Variants in GNG7 observed in about 807,000 individuals in gnomAD.
GNG7 encodes the protein G protein subunit gamma 7, also known as guanine nucleotide-binding protein G(I)/G(S)/G(O) subunit gamma-7.
Under a neutral mutation model 4.0 loss-of-function variants are expected in GNG7, and 1 was observed. The ratio of observed to expected loss-of-function variants is 0.25; its 90% confidence interval spans 0.09 to 1.18. The LOEUF (loss-of-function observed/expected upper bound fraction) is 1.18, where lower values mean the gene tolerates loss of function less well. GNG7 is among the 50% of genes most tolerant of loss of function. GNG7 has a pLI of 0.50. For missense variants in GNG7, 86 were observed against 91.9 expected (o/e 0.94, Z 0.26); for synonymous variants, 34 against 36.9 (o/e 0.92, Z 0.29).
chr19:2,623,620 C>T (rs922106012), intron 2 of GNG7, among the ~76,000 whole-genome samples: 4 of 152,200 alleles, frequency 2.6e-5, no homozygotes, highest in Non-Finnish European at 5.9e-5. Context: ...GTGGCTCACG[C>T]CTTTAATCCC....
chr19:2,654,534 C>T (rs1288126343), intron 1 of GNG7, among the ~76,000 whole-genome samples: 2 of 126,970 alleles, frequency 1.6e-5, no homozygotes, highest in Non-Finnish European at 3.5e-5. Flanking sequence ...AAGACCTCCT[C>T]AGTTAGGGGG....
intron 3 of GNG7, among the ~76,000 whole-genome samples, chr19:2,551,590 C>CAAATATATATTTAGAAATATGT (rs1568240124): frequency 8.2e-6 from 1 of 122,576 alleles, no homozygotes; most frequent in Non-Finnish European, 1.7e-5. Flanking sequence ...TATAAATATG[C>CAAATATATATTTAGAAATATGT]ATTTATAAAT....
intron 1 of GNG7, among the ~76,000 whole-genome samples, chr19:2,652,491 T>C (rs1982856669): frequency 6.6e-6 from 1 of 151,604 alleles, no homozygotes; most frequent in Non-Finnish European, 1.5e-5. Flanking sequence ...TGGTGGTGCA[T>C]GCCTGTAATC....
chr19:2,607,978 A>G (rs10404003), intron 2 of GNG7, among the ~76,000 whole-genome samples: 7,338 of 150,736 alleles, frequency 0.049, 609 homozygotes, highest in African/African-American at 0.17. Flanking sequence ...CGCAGACCAC[A>G]CCATCCAGAA....
chr19:2,575,663 G>A (rs1345495447), intron 2 of GNG7, among the ~76,000 whole-genome samples: 9 of 122,516 alleles, frequency 7.3e-5, no homozygotes, highest in East Asian at 2.6e-4. Context: ...GCAGGCACAC[G>A]CAGGCACATG....
At chr19:2,537,952 C>G (rs1021319883) in intron 3 of GNG7, among the ~76,000 whole-genome samples, 2 of 152,134 alleles carry the variant, frequency 1.3e-5, no homozygotes, top group Non-Finnish European at 2.9e-5. Flanking sequence ...TGGTGCATGC[C>G]TGTAGTCCCA....
At chr19:2,667,145 C>T (rs1388203180) in intron 1 of GNG7, among the ~76,000 whole-genome samples, 1 of 151,834 alleles carries the variant, frequency 6.6e-6, no homozygotes, top group Non-Finnish European at 1.5e-5. Context: ...CATGGTGAAA[C>T]CCAACCCGTC....
intron 1 of GNG7, among the ~76,000 whole-genome samples, chr19:2,672,508 G>A (rs539953854): frequency 8.0e-4 from 121 of 150,826 alleles, no homozygotes; most frequent in Non-Finnish European, 1.5e-3. Flanking sequence ...GTGCAGTGGT[G>A]CGATCTCAGC....
At chr19:2,642,938 G>C (rs1469386266) in intron 2 of GNG7, 2 of 430,998 alleles carry the variant, frequency 4.6e-6, no homozygotes, top group Non-Finnish European at 9.1e-6. Context: ...ACCTCTCCGG[G>C]CTCTGCACAC....
chr19:2,531,725 C>G (rs1192189266), intron 3 of GNG7, among the ~76,000 whole-genome samples: 2 of 148,704 alleles, frequency 1.3e-5, no homozygotes, highest in Non-Finnish European at 1.5e-5. Flanking sequence ...GAACCGAGAT[C>G]GTGCCACTGC....
intron 1 of GNG7, among the ~76,000 whole-genome samples, chr19:2,666,610 C>T (rs1163500746): frequency 6.6e-6 from 1 of 152,182 alleles, no homozygotes; most frequent in African/African-American, 2.4e-5. Flanking sequence ...CCTTGCCTGG[C>T]CAGATTACCT....
At chr19:2,580,740 A>G (rs1038157410) in intron 2 of GNG7, among the ~76,000 whole-genome samples, 1 of 151,720 alleles carries the variant, frequency 6.6e-6, no homozygotes, top group Non-Finnish European at 1.5e-5. Flanking sequence ...AGCTGGGACT[A>G]CAGGTGCCAC....
chr19:2,582,656 ATTTTTTTTT>A (rs35625825), intron 2 of GNG7, among the ~76,000 whole-genome samples: 6,113 of 86,074 alleles, frequency 0.071, 411 homozygotes, highest in East Asian at 0.4. Flanking sequence ...CTAATTGTTA[ATTTTTTTTT>A]TTTTTTTTTT....
chr19:2,585,560 G>A (rs1283173208), intron 2 of GNG7, among the ~76,000 whole-genome samples: 2 of 152,194 alleles, frequency 1.3e-5, no homozygotes, highest in African/African-American at 4.8e-5. Context: ...ATTGAAAACA[G>A]CCAGTTAGAA....
At chr19:2,572,940 C>T (rs939071515) in intron 2 of GNG7, among the ~76,000 whole-genome samples, 20 of 151,504 alleles carry the variant, frequency 1.3e-4, no homozygotes, top group Admixed American at 3.3e-4. Flanking sequence ...ACCCCGTCCG[C>T]ATTAGCAGTC....
chr19:2,631,899 C>T (rs957659501), intron 2 of GNG7: 3 of 152,196 alleles, frequency 2.0e-5, no homozygotes, highest in Admixed American at 6.5e-5. Context: ...CCTAGAAGTG[C>T]CATTTCTGAA....
intron 3 of GNG7, among the ~76,000 whole-genome samples, chr19:2,547,116 C>T (rs8104104): frequency 0.081 from 12,286 of 150,976 alleles, 617 homozygotes; most frequent in South Asian, 0.16. Context: ...CAAAGCCCCA[C>T]CGATGTCATC....
At chr19:2,584,491 G>A (rs1196556979) in intron 2 of GNG7, among the ~76,000 whole-genome samples, 2 of 150,774 alleles carry the variant, frequency 1.3e-5, no homozygotes, top group African/African-American at 4.9e-5. Flanking sequence ...CAGCTACTTG[G>A]GAGGCTGAGG....
chr19:2,514,092 G>A lies in GNG7; in HGVS notation c.*930C>T, dbSNP rs1025187636. On this transcript the variant is annotated 3_prime_UTR_variant, in exon 5 of 5. Coordinates refer to ENST00000382159, the MANE Select transcript of GNG7 (RefSeq NM_052847.3). ...CACGCCTGTAGTCTCAGCTACTCGG[G>A]AGGCTGAGGCAGGAGAATCGCTTGA... 1 of 152,432 alleles carries A rather than the reference G, an allele frequency of 6.6e-6. No homozygotes were observed. The highest frequency in any genetic ancestry group is 1.5e-5 in the Non-Finnish European group (1 of 68,262). 9.4% of individuals were successfully genotyped at this position (152,432 alleles called of 1,614,324 possible). A position where few individuals can be genotyped will look rare whatever the true frequency, so the allele number is the denominator to read the frequency against.
Sources: allele counts gnomAD v4.1 joint callset (sites outside exome capture counted in the v4.1 genomes callset), GRCh38; gene constraint gnomAD v4.1.1; transcripts MANE v1.5; gene names NCBI Gene and HGNC (gene_info 2026-07-23, HGNC 2026-07-21).